Variants in CADPS observed in about 807,000 individuals in gnomAD.
CADPS encodes calcium-dependent secretion activator 1.
In CADPS, 57 loss-of-function variants were observed where a neutral mutation model predicts 167.3. That is an observed-to-expected ratio of 0.34 (90% CI 0.28 to 0.42). The LOEUF (loss-of-function observed/expected upper bound fraction) is 0.42, where lower values mean the gene tolerates loss of function less well. Ranked by LOEUF, CADPS falls within the 20% of genes least tolerant of loss-of-function variation. The probability of loss-of-function intolerance (pLI) is 1.00; values close to 1 mark genes in which losing one functional copy is unlikely to be tolerated. For missense variants in CADPS, 1,414 were observed against 1,738.1 expected (o/e 0.81, Z 3.32); for synonymous variants, 676 against 635.3 (o/e 1.06, Z -0.96).
chr3:62,661,927 T>C (rs546631006), intron 4 of CADPS, among the ~76,000 whole-genome samples: 2 of 152,244 alleles, frequency 1.3e-5, no homozygotes, highest in East Asian at 3.9e-4. Context: ...TGATTGGATA[T>C]AGAACAAGAG....
chr3:62,851,962 C>A (rs1268580312), intron 1 of CADPS, among the ~76,000 whole-genome samples: 1 of 151,168 alleles, frequency 6.6e-6, no homozygotes, highest in Non-Finnish European at 1.5e-5. Flanking sequence ...TTCTTGGAGG[C>A]TTTGCTCATT....
At chr3:62,866,645 G>T (rs992154428) in intron 1 of CADPS, among the ~76,000 whole-genome samples, 1 of 151,998 alleles carries the variant, frequency 6.6e-6, no homozygotes, top group Non-Finnish European at 1.5e-5. Flanking sequence ...CATGAAGAAA[G>T]GTGAGGACGA....
chr3:62,402,728 T>G (rs1706836161), intron 29 of CADPS, among the ~76,000 whole-genome samples: 1 of 152,248 alleles, frequency 6.6e-6, no homozygotes. Context: ...TTTTATTTAA[T>G]TAAACTATAA....
At chr3:62,812,085 T>TA (rs1364499177) in intron 1 of CADPS, among the ~76,000 whole-genome samples, 1 of 152,154 alleles carries the variant, frequency 6.6e-6, no homozygotes, top group Non-Finnish European at 1.5e-5. Context: ...TAATGCCAAG[T>TA]AAAAGAGGCA....
rs1237246086 is a variant in CADPS at position 62,601,798 on chromosome 3, T to C, written c.1326-9050A>G. ...TGACTTTTAAAGTCACAGCACATTA[T>C]TTCTCCAAACCTGTTCCACAGTACC... On this transcript the variant is annotated intron_variant, in intron 6 of 29. Coordinates refer to ENST00000383710, the MANE Select transcript of CADPS (RefSeq NM_003716.4). The surrounding 1 kb of genome is among the most constrained non-coding windows in gnomAD (Gnocchi z 4.3). Among the ~76,000 whole-genome samples, 2 of 152,218 alleles carry C rather than the reference T, an allele frequency of 1.3e-5. No individual in the cohort carries two copies. Among genetic ancestry groups the C allele is most frequent in the African/African-American group, 4.8e-5 (2 of 41,456 alleles).
rs560900377 is a variant in CADPS, at chr3:62,687,150, T to C, written c.889-24756A>G. ...AGACAAGAGGGATCAACAGTCTTGT[T>C]TGCTTAGATCAGGGTTGAGGGGGCC... On this transcript the variant is annotated intron_variant, in intron 3 of 29. Transcript: ENST00000383710. Among the ~76,000 whole-genome samples the C allele has an allele frequency of 4.6e-5, 7 of 152,248 alleles. No individual in the cohort carries two copies. In the South Asian group the frequency reaches 1.4e-3, roughly 32 times the overall value.
At chr3:62,730,925 T>G (rs1295402426) in intron 3 of CADPS, among the ~76,000 whole-genome samples, 1 of 152,230 alleles carries the variant, frequency 6.6e-6, no homozygotes, top group African/African-American at 2.4e-5. Context: ...CAGTTTGAGT[T>G]GAAATTCTAA....
At chr3:62,768,957 C>T (rs2087722634) in intron 1 of CADPS, among the ~76,000 whole-genome samples, 1 of 152,142 alleles carries the variant, frequency 6.6e-6, no homozygotes. Context: ...TTGCTTATGT[C>T]TGGGTTTTGC....
chr3:62,556,578 T>C (rs1301242078), intron 10 of CADPS, among the ~76,000 whole-genome samples: 1 of 152,182 alleles, frequency 6.6e-6, no homozygotes, highest in Non-Finnish European at 1.5e-5. Context: ...AATAAACTTC[T>C]CCGGGAGAGG....
At chr3:62,613,480 T>C (rs1490267647) in intron 6 of CADPS, among the ~76,000 whole-genome samples, 1 of 152,178 alleles carries the variant, frequency 6.6e-6, no homozygotes, top group Admixed American at 6.5e-5. Context: ...TTATGTAGGA[T>C]TTCTCAGAGC....
At chr3:62,690,533 T>C (rs1403803465) in intron 3 of CADPS, among the ~76,000 whole-genome samples, 1 of 151,768 alleles carries the variant, frequency 6.6e-6, no homozygotes, top group Non-Finnish European at 1.5e-5. Flanking sequence ...GCAGGTCCAT[T>C]CTCATCTGTG....
Position 62,645,721 on chromosome 3 carries a change from C to A in CADPS, c.1325+1G>T, listed in dbSNP as rs749964509. The A allele has an allele frequency of 6.2e-7, 1 of 1,613,854 alleles. No individual in the cohort carries two copies. Among genetic ancestry groups the A allele is most frequent in the Non-Finnish European group, 8.5e-7 (1 of 1,179,874 alleles). On this transcript the variant is annotated splice_donor_variant, in intron 6 of 29. Coordinates refer to ENST00000383710, the MANE Select transcript of CADPS (RefSeq NM_003716.4). LOFTEE classifies it high-confidence loss of function. Reference sequence around the variant, plus strand: ...ATGGACCCTGGAGAAACATAACTTACGTTGGTTTAGAAGCCTCGGCCTGAT... The same window carrying A: ...ATGGACCCTGGAGAAACATAACTTAAGTTGGTTTAGAAGCCTCGGCCTGAT...
chr3:62,655,401 C>T (rs774095357), intron 4 of CADPS, among the ~76,000 whole-genome samples: 9 of 152,094 alleles, frequency 5.9e-5, no homozygotes, highest in Admixed American at 3.3e-4. Flanking sequence ...AGAAACATAG[C>T]GTATGGGTGG....
intron 3 of CADPS, among the ~76,000 whole-genome samples, chr3:62,690,897 T>C (rs567830249): frequency 6.6e-6 from 1 of 152,170 alleles, no homozygotes; most frequent in African/African-American, 2.4e-5. Flanking sequence ...AGCAGCTTTA[T>C]TTGTAATTGC....
chr3:62,854,195 G>A (rs1421164905), intron 1 of CADPS, among the ~76,000 whole-genome samples: 1 of 152,122 alleles, frequency 6.6e-6, no homozygotes, highest in Non-Finnish European at 1.5e-5. Context: ...CTTAACACTT[G>A]CTAAGTTATA....
At chr3:62,766,909 T>C (rs2087032773) in intron 1 of CADPS, among the ~76,000 whole-genome samples, 1 of 152,174 alleles carries the variant, frequency 6.6e-6, no homozygotes. Flanking sequence ...ATTTGTTACA[T>C]GCGGTGTCTT....
Position 62,602,082 on chromosome 3 carries a change from A to G in CADPS, c.1326-9334T>C, listed in dbSNP as rs565448921. On this transcript the variant is annotated intron_variant, in intron 6 of 29. Transcript: ENST00000383710. The surrounding 1 kb of genome is among the most constrained non-coding windows in gnomAD (Gnocchi z 4.4). ...AATTTTCATTAGAATTTTTCCCCCC[A>G]TGAACAAAAAACAACATTTGCCACA... 5.9e-5 allele frequency among the ~76,000 whole-genome samples: 9 copies of G among 152,128 alleles called. No homozygotes were observed. Among genetic ancestry groups the G allele is most frequent in the Non-Finnish European group, 1.0e-4 (7 of 68,022 alleles).
Position 62,874,867 on chromosome 3 carries a change from C to T in CADPS, c.163G>A (p.Ala55Thr), listed in dbSNP as rs1461055146. The T allele has an allele frequency of 2.7e-6, 3 of 1,121,482 alleles. No homozygotes were observed. In the East Asian group the frequency reaches 1.5e-4, roughly 54 times the overall value. 69.5% of individuals were successfully genotyped at this position (1,121,482 alleles called of 1,614,324 possible). ...CCGCCTGCACCCACCCCGGCTCCGGCGCCGGCGCCGCCGCCCCCCAGCCCG... is the reference window on the plus strand; with the variant it reads ...CCGCCTGCACCCACCCCGGCTCCGGTGCCGGCGCCGCCGCCCCCCAGCCCG... ...SAGLGGGGAG[A>T]GAGVGAGGGG... Residue 55 changes from alanine (A) to threonine (T), a missense_variant, in exon 1 of 30, where the codon GCC becomes ACC. Transcript: ENST00000383710. This position sits in a 1 kb window ranked among gnomAD's most constrained non-coding sequence, Gnocchi z 7.1.
In CADPS at chr3:62,514,659, G is replaced by C. The variant is rs1287660578; in HGVS notation, c.2581+1400C>G. 6.6e-6 allele frequency among the ~76,000 whole-genome samples: 1 copy of C among 152,070 alleles called. No homozygotes were observed. The highest frequency in any genetic ancestry group is 2.4e-5 in the African/African-American group (1 of 41,408). ...GGATAGATTTATCTGAAAGAAGAGA[G>C]CAGATCTTACCAAAAGACTAGTAGT... On this transcript the variant is annotated intron_variant, in intron 16 of 29. Coordinates refer to ENST00000383710, the MANE Select transcript of CADPS (RefSeq NM_003716.4). This position sits in a 1 kb window ranked among gnomAD's most constrained non-coding sequence, Gnocchi z 4.2.
Sources: gnomAD v4.1 joint callset for allele counts (sites outside exome capture counted in the v4.1 genomes callset) on GRCh38, gnomAD v4.1.1 for gene constraint, Gnocchi (gnomAD v3.1) non-coding constraint, MANE v1.5 for transcripts, NCBI Gene and HGNC (gene_info 2026-07-23, HGNC 2026-07-21) for gene names.